SGCZ: variants seen among roughly 807,000 people sequenced by gnomAD.
The protein encoded by SGCZ is zeta-sarcoglycan.
Under a neutral mutation model 41.3 loss-of-function variants are expected in SGCZ, and 40 were observed. The ratio of observed to expected loss-of-function variants is 0.97; its 90% confidence interval spans 0.75 to 1.26. SGCZ has a LOEUF of 1.26. SGCZ is among the 50% of genes most tolerant of loss of function. The probability of loss-of-function intolerance (pLI) is 0.00; values close to 1 mark genes in which losing one functional copy is unlikely to be tolerated. For missense variants in SGCZ, 552 were observed against 369.8 expected (o/e 1.49, Z -4.04); for synonymous variants, 206 against 137.5 (o/e 1.50, Z -3.49).
intron 1 of SGCZ, among the ~76,000 whole-genome samples, chr8:15,079,118 T>A (rs965830961): frequency 1.3e-5 from 2 of 152,168 alleles, no homozygotes; most frequent in Non-Finnish European, 2.9e-5. Context: ...ACTTTTACAT[T>A]GTCAGGCTTT....
In SGCZ at chr8:14,479,731, C is replaced by CTTT. The variant is rs529812029; in HGVS notation, c.234+74998_234+75000dup. On this transcript the variant is annotated intron_variant, in intron 2 of 7. Transcript: ENST00000382080. Reference sequence around the variant, plus strand: ...GTCGCATACCTCCAGAATTCTACTTCTTTTTTTTTTTTTTTTTTTTTTTTT... The same window carrying CTTT: ...GTCGCATACCTCCAGAATTCTACTTCTTTTTTTTTTTTTTTTTTTTTTTTTTTT... Among the ~76,000 whole-genome samples the CTTT allele has an allele frequency of 2.2e-3, 115 of 52,924 alleles. 1 individual carries two copies. Among genetic ancestry groups the CTTT allele is most frequent in the African/African-American group, 4.2e-3 (83 of 19,764 alleles). The allele number at this position is 52,924 out of a possible 152,430, so 34.7% of individuals were successfully genotyped here.
At chr8:14,798,120 T>G (rs1443175509) in intron 1 of SGCZ, among the ~76,000 whole-genome samples, 1 of 152,212 alleles carries the variant, frequency 6.6e-6, no homozygotes, top group Non-Finnish European at 1.5e-5. Flanking sequence ...ACTATCCCTG[T>G]TTTCAAGATT....
chr8:14,849,599 T>C (rs774042543), intron 1 of SGCZ, among the ~76,000 whole-genome samples: 1 of 152,140 alleles, frequency 6.6e-6, no homozygotes, highest in African/African-American at 2.4e-5. Context: ...CAAACTAATC[T>C]ATCACGAAAT....
intron 1 of SGCZ, among the ~76,000 whole-genome samples, chr8:14,862,624 G>A (rs116201219): frequency 0.038 from 5,165 of 137,388 alleles, 139 homozygotes; most frequent in African/African-American, 0.076. Flanking sequence ...ATATATATGT[G>A]TTGCAAAAAA....
intron 2 of SGCZ, 90 bp from the exon 3 acceptor site, chr8:14,324,294 T>G: frequency 1.0e-5 from 9 of 871,826 alleles, no homozygotes; most frequent in Non-Finnish European, 1.7e-5. Flanking sequence ...GAGAAAACAG[T>G]GAGCTCAAAT....
At chr8:14,930,220 G>A (rs888179444) in intron 1 of SGCZ, among the ~76,000 whole-genome samples, 9 of 151,888 alleles carry the variant, frequency 5.9e-5, no homozygotes, top group African/African-American at 1.5e-4. Flanking sequence ...TTATGCAGCC[G>A]ACAAACATAT....
chr8:14,810,597 A>T (rs1801709063), intron 1 of SGCZ, among the ~76,000 whole-genome samples: 2 of 152,088 alleles, frequency 1.3e-5, no homozygotes. Context: ...GGTGTTTTAC[A>T]TTATAAACTT....
At chr8:15,141,646 G>C (rs942930501) in intron 1 of SGCZ, among the ~76,000 whole-genome samples, 2 of 152,334 alleles carry the variant, frequency 1.3e-5, no homozygotes, top group South Asian at 4.1e-4. Context: ...GCTCACGCCT[G>C]TAATCCCAGC....
intron 1 of SGCZ, among the ~76,000 whole-genome samples, chr8:14,881,973 A>T (rs1391632196): frequency 1.3e-5 from 2 of 152,142 alleles, no homozygotes; most frequent in Non-Finnish European, 2.9e-5. Context: ...TTCCTGAATG[A>T]CTCCTGGGTA....
chr8:14,407,343 A>G (rs13438881), intron 2 of SGCZ, among the ~76,000 whole-genome samples: 3,332 of 151,938 alleles, frequency 0.022, 96 homozygotes, highest in African/African-American at 0.06. Flanking sequence ...ACAGCTAAAA[A>G]CTACACTTTT....
chr8:14,708,812 A>AGTGTGTGTGT (rs61049816), intron 1 of SGCZ, among the ~76,000 whole-genome samples: 23,788 of 148,492 alleles, frequency 0.16, 1,995 homozygotes, highest in Admixed American at 0.25. Flanking sequence ...GTTTTATTCG[A>AGTGTGTGTGT]GTGTGTGTGT....
At chr8:14,632,099 G>A (rs1047968418) in intron 1 of SGCZ, among the ~76,000 whole-genome samples, 7 of 151,986 alleles carry the variant, frequency 4.6e-5, no homozygotes, top group Non-Finnish European at 1.0e-4. Flanking sequence ...GCTCATTGCT[G>A]CCTTGACCTG....
At chr8:14,743,674 C>G (rs1799261210) in intron 1 of SGCZ, among the ~76,000 whole-genome samples, 1 of 152,010 alleles carries the variant, frequency 6.6e-6, no homozygotes, top group South Asian at 2.1e-4. Flanking sequence ...TCAGTTTGCT[C>G]TCCCCCGCCC....
At chr8:14,136,845 T>C (rs1249276493) in intron 5 of SGCZ, among the ~76,000 whole-genome samples, 1 of 152,158 alleles carries the variant, frequency 6.6e-6, no homozygotes, top group African/African-American at 2.4e-5. Flanking sequence ...ACAGACTGCC[T>C]CCTCAAGTGG....
chr8:14,872,137 G>A (rs1285967816), intron 1 of SGCZ, among the ~76,000 whole-genome samples: 3 of 151,890 alleles, frequency 2.0e-5, no homozygotes, highest in African/African-American at 7.3e-5. Flanking sequence ...ATGGAAACAG[G>A]GAGGGGAACA....
intron 1 of SGCZ, among the ~76,000 whole-genome samples, chr8:14,575,929 AAAAAAAG>A (rs1184606322): frequency 2.3e-4 from 31 of 135,738 alleles, no homozygotes; most frequent in Non-Finnish European, 2.4e-4. Flanking sequence ...AAAAAAAAAA[AAAAAAAG>A]AAAGAAAGAG....
chr8:14,919,084 G>C (rs1256179247), intron 1 of SGCZ, among the ~76,000 whole-genome samples: 2 of 152,110 alleles, frequency 1.3e-5, no homozygotes, highest in Admixed American at 6.5e-5. Flanking sequence ...GATTCAATTA[G>C]TTAATAAAAT....
At chr8:14,397,740 T>C (rs752823014) in intron 2 of SGCZ, among the ~76,000 whole-genome samples, 1 of 152,134 alleles carries the variant, frequency 6.6e-6, no homozygotes, top group Admixed American at 6.6e-5. Flanking sequence ...CTTCCCAGTA[T>C]TGCAAAAGCA....
intron 1 of SGCZ, among the ~76,000 whole-genome samples, chr8:15,237,331 G>T (rs569196419): frequency 6.6e-6 from 1 of 152,186 alleles, no homozygotes; most frequent in Non-Finnish European, 1.5e-5. Context: ...GGAGGAGGAC[G>T]GGGTGGCCGC....
Sources: allele counts gnomAD v4.1 joint callset (sites outside exome capture counted in the v4.1 genomes callset), GRCh38; gene constraint gnomAD v4.1.1; transcripts MANE v1.5; gene names NCBI Gene and HGNC (gene_info 2026-07-23, HGNC 2026-07-21).